The following COL4A6 variants were observed in gnomAD, a reference collection of about 807,000 sequenced individuals.
COL4A6 encodes the protein collagen type IV alpha 6 chain.
A neutral mutation model predicts 126.7 loss-of-function variants in COL4A6; 59 were observed. The ratio of observed to expected loss-of-function variants is 0.47; its 90% CI spans 0.38 to 0.58. The LOEUF (loss-of-function observed/expected upper bound fraction) is 0.58. Ranked by LOEUF, COL4A6 falls within the 20% of genes least tolerant of loss-of-function variation. The pLI is 0.00. For synonymous variants in COL4A6, 547 were observed against 496.6 expected (o/e 1.10, Z -1.35); for missense variants, 1,285 against 1,337.3 (o/e 0.96, Z 0.61).
At chrX:108,409,029 C>T (rs765905735) in intron 2 of COL4A6, among the ~76,000 whole-genome samples, 1 of 112,336 alleles carries the variant, frequency 8.9e-6, no homozygotes, top group African/African-American at 3.2e-5. Flanking sequence ...TATGACTTCA[C>T]TTGGATACAA....
intron 3 of COL4A6, 131 bp downstream of exon 3, chrX:108,310,617 C>A: frequency 2.0e-6 from 1 of 502,578 alleles, no homozygotes; most frequent in Non-Finnish European, 3.4e-6. Context: ...AAGCTCCTTC[C>A]AGCTGGTCCT....
intron 3 of COL4A6, among the ~76,000 whole-genome samples, chrX:108,271,401 T>G (rs1490570425): frequency 8.9e-6 from 1 of 112,458 alleles, no homozygotes; most frequent in Non-Finnish European, 1.9e-5. Flanking sequence ...GTCAGGCCAG[T>G]ATTTCCACTG....
At chrX:108,349,146 T>G (rs971490179) in intron 2 of COL4A6, among the ~76,000 whole-genome samples, 40 of 111,842 alleles carry the variant, frequency 3.6e-4, no homozygotes, top group African/African-American at 1.3e-3. Context: ...AGTAGAGTCA[T>G]TGTTTGTTTG....
chrX:108,176,533 G>A (rs1569332610), intron 28 of COL4A6, among the ~76,000 whole-genome samples: 1 of 111,198 alleles, frequency 9.0e-6, no homozygotes, highest in Non-Finnish European at 1.9e-5. Context: ...GGCAATCATA[G>A]GAAGTGAGTG....
At chrX:108,258,568 G>T (rs758392866) in intron 3 of COL4A6, among the ~76,000 whole-genome samples, 254 of 111,885 alleles carry the variant, frequency 2.3e-3, no homozygotes, top group Non-Finnish European at 3.8e-3. Context: ...TAGTTAAAAG[G>T]AAATAAAAAG....
intron 2 of COL4A6, among the ~76,000 whole-genome samples, chrX:108,432,455 T>C (rs772537583): frequency 8.0e-5 from 9 of 112,551 alleles, no homozygotes; most frequent in Non-Finnish European, 1.9e-5. Flanking sequence ...TTTTGATCTT[T>C]CAGGATTTCA....
chrX:108,286,449 T>C (rs1212161153), intron 3 of COL4A6, among the ~76,000 whole-genome samples: 1 of 112,326 alleles, frequency 8.9e-6, no homozygotes, highest in Non-Finnish European at 1.9e-5. Context: ...GATATAACTC[T>C]GACATTTTAG....
intron 2 of COL4A6, among the ~76,000 whole-genome samples, chrX:108,321,644 A>G (rs1249137034): frequency 1.8e-5 from 2 of 111,219 alleles, no homozygotes; most frequent in Non-Finnish European, 3.8e-5. Flanking sequence ...ATCATTTGCT[A>G]GTTAAGTGAC....
At chrX:108,381,132 T>C (rs1013485667) in intron 2 of COL4A6, among the ~76,000 whole-genome samples, 9 of 112,218 alleles carry the variant, frequency 8.0e-5, no homozygotes, top group African/African-American at 2.9e-4. Flanking sequence ...TAGGTTATCT[T>C]ATTTATTATC....
intron 42 of COL4A6, 105 bp from the exon 43 acceptor site, chrX:108,160,759 A>G (rs2033906140): frequency 4.2e-6 from 3 of 707,130 alleles, no homozygotes; most frequent in Non-Finnish European, 6.0e-6. Context: ...CACATGTATT[A>G]TCTCACTCAA....
At chrX:108,403,179 C>A (rs2041126732) in intron 2 of COL4A6, among the ~76,000 whole-genome samples, 1 of 105,707 alleles carries the variant, frequency 9.5e-6, no homozygotes, top group Admixed American at 1.1e-4. Context: ...CTGTTAAGAT[C>A]TTTTTCTTGA....
chrX:108,342,703 C>A lies in COL4A6; in HGVS notation c.64-31875G>T, dbSNP rs189212955. On this transcript the variant is annotated intron_variant, in intron 2 of 44. Transcript: ENST00000334504. ...AATTGCAGGCATCTTTTGCTAAATTCTTTGGGCCTGCAATAGAGCCGATCA... is the reference window on the plus strand; with the variant it reads ...AATTGCAGGCATCTTTTGCTAAATTATTTGGGCCTGCAATAGAGCCGATCA... Among the ~76,000 whole-genome samples the A allele has an allele frequency of 1.1e-3, 118 of 111,544 alleles. 4 individuals are homozygous for A. In the East Asian group the frequency reaches 0.032, roughly 30 times the overall value.
Position 108,180,543 on chromosome X carries a change from T to C in COL4A6, c.2103A>G (p.Pro701=), listed in dbSNP as rs1274880934. Residue 701 remains proline (P), a synonymous_variant, in exon 25 of 45, where the codon CCA becomes CCG. Coordinates refer to ENST00000334504, the MANE Select transcript of COL4A6 (RefSeq NM_033641.4). ...GTAATTCAGGAAGATGAACCAATCCTGGACTCCCTGGCTCTCCTTTACTTC... is the reference window on the plus strand; with the variant it reads ...GTAATTCAGGAAGATGAACCAATCCCGGACTCCCTGGCTCTCCTTTACTTC... ...SSGSKGEPGS[P]GLVHLPELPG... The C allele has an allele frequency of 2.5e-6, 3 of 1,206,000 alleles. No homozygotes were observed. Among genetic ancestry groups the C allele is most frequent in the Non-Finnish European group, 3.4e-6 (3 of 893,729 alleles).
At chrX:108,339,542 A>G (rs1362466487) in intron 2 of COL4A6, among the ~76,000 whole-genome samples, 2 of 111,259 alleles carry the variant, frequency 1.8e-5, no homozygotes, top group Admixed American at 9.6e-5. Flanking sequence ...GTCAAATCCT[A>G]TTCTTCCACA....
chrX:108,202,536 C>G (rs1056564335), intron 13 of COL4A6, among the ~76,000 whole-genome samples: 1 of 111,731 alleles, frequency 9.0e-6, no homozygotes, highest in African/African-American at 3.3e-5. Context: ...ATGTAGTAAG[C>G]CCTTTTCATG....
intron 3 of COL4A6, among the ~76,000 whole-genome samples, chrX:108,244,412 T>G (rs1451778153): frequency 8.9e-6 from 1 of 111,743 alleles, no homozygotes; most frequent in Non-Finnish European, 1.9e-5. Flanking sequence ...GTGAGCTCAG[T>G]TTACTTAGGC....
chrX:108,175,427 T>C (rs1201250293), intron 29 of COL4A6, among the ~76,000 whole-genome samples: 2 of 111,505 alleles, frequency 1.8e-5, no homozygotes, highest in Non-Finnish European at 3.8e-5. Flanking sequence ...TCTCCTCAAA[T>C]CCTTCCTCCA....
intron 2 of COL4A6, among the ~76,000 whole-genome samples, chrX:108,428,572 G>A (rs2064126094): frequency 9.0e-6 from 1 of 110,530 alleles, no homozygotes; most frequent in South Asian, 3.9e-4. Context: ...ATAATTATTG[G>A]GTACTAGGCT....
chrX:108,380,488 G>T (rs2148132440), intron 2 of COL4A6, among the ~76,000 whole-genome samples: 1 of 112,190 alleles, frequency 8.9e-6, no homozygotes, highest in South Asian at 3.7e-4. Context: ...GAACCTAGGA[G>T]CTTTTCCATA....
Sources: allele counts gnomAD v4.1 joint callset (sites outside exome capture counted in the v4.1 genomes callset), GRCh38; gene constraint gnomAD v4.1.1; transcripts MANE v1.5; gene names NCBI Gene and HGNC (gene_info 2026-07-23, HGNC 2026-07-21).